The following BBS9 variants were observed in gnomAD, a reference collection of about 807,000 sequenced individuals.
The protein encoded by BBS9 is protein PTHB1.
In BBS9, 89 loss-of-function variants were observed where a neutral mutation model predicts 117.7. The observed-to-expected ratio is 0.76, with a 90% confidence interval of 0.64 to 0.90. BBS9 has a LOEUF of 0.90. Among genes scored for constraint, BBS9 ranks in the 40% least tolerant of loss-of-function variants. BBS9 has a pLI of 0.00. For missense variants in BBS9, 982 were observed against 1,042.2 expected (o/e 0.94, Z 0.80); for synonymous variants, 379 against 370.9 (o/e 1.02, Z -0.25).
At chr7:33,183,393 A>C (rs1006629573) in intron 5 of BBS9, among the ~76,000 whole-genome samples, 3 of 152,200 alleles carry the variant, frequency 2.0e-5, no homozygotes, top group African/African-American at 7.2e-5. Flanking sequence ...AAAAACATAA[A>C]GGCCTTTAAA....
At chr7:33,358,083 A>G in intron 16 of BBS9, 88 bp downstream of exon 16, 1 of 1,487,432 alleles carries the variant, frequency 6.7e-7, no homozygotes, top group Non-Finnish European at 9.3e-7. Flanking sequence ...TGATGGGGTA[A>G]TTATCAGATA....
chr7:33,343,928 A>G (rs1259579854), intron 11 of BBS9, among the ~76,000 whole-genome samples: 1 of 152,194 alleles, frequency 6.6e-6, no homozygotes, highest in Non-Finnish European at 1.5e-5. Flanking sequence ...AAAGAATGGC[A>G]TAATATTTTT....
intron 21 of BBS9, among the ~76,000 whole-genome samples, chr7:33,623,334 ATATTT>A (rs759718703): frequency 3.9e-5 from 6 of 152,310 alleles, no homozygotes; most frequent in Non-Finnish European, 7.4e-5. Context: ...TTAAAACACA[ATATTT>A]TGTTGCATCT....
At chr7:33,161,618 TC>T (rs1372362191) in intron 4 of BBS9, among the ~76,000 whole-genome samples, 1 of 152,214 alleles carries the variant, frequency 6.6e-6, no homozygotes, top group Non-Finnish European at 1.5e-5. Context: ...TGATTTATAA[TC>T]CTTTGGGTGT....
At chr7:33,409,053 G>A (rs1453675075) in intron 19 of BBS9, among the ~76,000 whole-genome samples, 1 of 152,038 alleles carries the variant, frequency 6.6e-6, no homozygotes, top group Non-Finnish European at 1.5e-5. Flanking sequence ...TTTTAATGAG[G>A]TTGTTTTTTG....
intron 10 of BBS9, among the ~76,000 whole-genome samples, chr7:33,338,177 C>T (rs1815766962): frequency 1.3e-5 from 2 of 151,866 alleles, no homozygotes; most frequent in South Asian, 4.2e-4. Flanking sequence ...GTTCCTTGCC[C>T]CTTCTATGCC....
intron 9 of BBS9, among the ~76,000 whole-genome samples, chr7:33,325,145 G>T (rs1279386621): frequency 2.0e-5 from 3 of 152,210 alleles, no homozygotes; most frequent in Non-Finnish European, 2.9e-5. Flanking sequence ...TCTAGATCTT[G>T]TAGGTATGCT....
chr7:33,445,606 A>G (rs528502879), intron 19 of BBS9, among the ~76,000 whole-genome samples: 3 of 152,290 alleles, frequency 2.0e-5, no homozygotes, highest in East Asian at 1.9e-4. Flanking sequence ...TGCTTATCAC[A>G]TTGTTGAAAC....
intron 16 of BBS9, among the ~76,000 whole-genome samples, chr7:33,367,228 A>T (rs1042543923): frequency 6.6e-6 from 1 of 152,204 alleles, no homozygotes; most frequent in Non-Finnish European, 1.5e-5. Context: ...TATTTTAAAT[A>T]AATAGAGCTT....
intron 21 of BBS9, among the ~76,000 whole-genome samples, chr7:33,565,622 G>A (rs988800659): frequency 2.0e-5 from 3 of 151,076 alleles, no homozygotes; most frequent in Admixed American, 6.6e-5. Context: ...TCTGGGTTGT[G>A]GGTATTGTCT....
At chr7:33,604,780 A>G in intron 21 of BBS9, 85 bp from the exon 22 acceptor site, 2 of 868,282 alleles carry the variant, frequency 2.3e-6, no homozygotes, top group Non-Finnish European at 3.8e-6. Context: ...CTTTATGATC[A>G]GTGTGTTCCT....
chr7:33,375,728 C>T (rs1823746558), intron 17 of BBS9, among the ~76,000 whole-genome samples: 1 of 151,346 alleles, frequency 6.6e-6, no homozygotes, highest in South Asian at 2.1e-4. Flanking sequence ...GTAGCTGGGA[C>T]TTACAGGTGT....
At chr7:33,288,928 G>C (rs890241934) in intron 9 of BBS9, among the ~76,000 whole-genome samples, 1 of 152,104 alleles carries the variant, frequency 6.6e-6, no homozygotes, top group Non-Finnish European at 1.5e-5. Context: ...ACATGCACGA[G>C]CTCATAAGAA....
At chr7:33,559,453 AT>A (rs1855766893) in intron 21 of BBS9, among the ~76,000 whole-genome samples, 2 of 152,136 alleles carry the variant, frequency 1.3e-5, no homozygotes, top group Admixed American at 1.3e-4. Context: ...TGACTTCATC[AT>A]TTAGCTGTTG....
intron 21 of BBS9, among the ~76,000 whole-genome samples, chr7:33,599,595 G>A (rs1248591527): frequency 6.6e-6 from 1 of 152,120 alleles, no homozygotes; most frequent in African/African-American, 2.4e-5. Context: ...CCATAATAAA[G>A]TGCCTCAAAG....
At chr7:33,253,067 G>A (rs77216625) in intron 5 of BBS9, among the ~76,000 whole-genome samples, 2,480 of 152,078 alleles carry the variant, frequency 0.016, 24 homozygotes, top group South Asian at 0.04. Context: ...ATTTCACAAC[G>A]CCATGATCAC....
At chr7:33,262,664 C>G (rs975700227) in intron 6 of BBS9, among the ~76,000 whole-genome samples, 2 of 152,194 alleles carry the variant, frequency 1.3e-5, no homozygotes, top group Non-Finnish European at 2.9e-5. Context: ...CTCCCTCTTA[C>G]TTCATGCGCC....
chr7:33,276,489 G>A (rs146697154), intron 9 of BBS9, among the ~76,000 whole-genome samples: 2 of 152,192 alleles, frequency 1.3e-5, no homozygotes, highest in Admixed American at 6.5e-5. Context: ...CTCATGCTGC[G>A]GTTTAGGTTA....
At chr7:33,385,970 G>A (rs531334643) in intron 18 of BBS9, among the ~76,000 whole-genome samples, 6 of 152,114 alleles carry the variant, frequency 3.9e-5, no homozygotes, top group East Asian at 1.9e-4. Context: ...ATCACACACC[G>A]GGGCCTGTTG....
Sources: allele counts gnomAD v4.1 joint callset (sites outside exome capture counted in the v4.1 genomes callset), GRCh38; gene constraint gnomAD v4.1.1; transcripts MANE v1.5; gene names NCBI Gene and HGNC (gene_info 2026-07-23, HGNC 2026-07-21).